Variants in TBC1D5 observed in about 807,000 individuals in gnomAD.
TBC1D5 encodes TBC1 domain family member 5, also known as TBC1 domain family, member 5.
Under a neutral mutation model 100.3 loss-of-function variants are expected in TBC1D5, and 75 were observed. The ratio of observed to expected loss-of-function variants is 0.75; its 90% CI spans 0.62 to 0.91. The LOEUF is 0.91. TBC1D5 is among the 40% of genes least tolerant of loss of function. TBC1D5 has a pLI of 0.00. For synonymous variants in TBC1D5, 323 were observed against 325.6 expected, an observed-to-expected ratio of 0.99 and a Z score of 0.09; for missense variants, 910 against 942.4, an observed-to-expected ratio of 0.97 and a Z score of 0.45.
At chr3:17,203,387 T>C (rs2071730557) in intron 18 of TBC1D5, among the ~76,000 whole-genome samples, 1 of 152,218 alleles carries the variant, frequency 6.6e-6, no homozygotes, top group Non-Finnish European at 1.5e-5. Flanking sequence ...GGACTTGCCT[T>C]GTTTCAGATG....
intron 17 of TBC1D5, among the ~76,000 whole-genome samples, chr3:17,231,011 ACATGTTCAGTAGAGACT>A (rs1449130766): frequency 6.6e-6 from 1 of 152,182 alleles, no homozygotes; most frequent in Non-Finnish European, 1.5e-5. Flanking sequence ...AAATGTCTGT[ACATGTTCAGTAGAGACT>A]CATTTTTTTT....
At chr3:17,388,324 G>A (rs1295797376) in intron 8 of TBC1D5, among the ~76,000 whole-genome samples, 5 of 151,964 alleles carry the variant, frequency 3.3e-5, no homozygotes, top group African/African-American at 1.2e-4. Flanking sequence ...GGCAATATAG[G>A]TTTAATTATA....
At chr3:17,409,433 C>T (rs746537673) in intron 4 of TBC1D5, among the ~76,000 whole-genome samples, 5 of 152,040 alleles carry the variant, frequency 3.3e-5, no homozygotes, top group Non-Finnish European at 5.9e-5. Flanking sequence ...GCTACAATGG[C>T]CTCGTACTGT....
At chr3:17,471,507 G>A (rs1408581654) in intron 3 of TBC1D5, among the ~76,000 whole-genome samples, 1 of 151,908 alleles carries the variant, frequency 6.6e-6, no homozygotes, top group African/African-American at 2.4e-5. Flanking sequence ...ATTTGTAAAA[G>A]ATGTAGGAAA....
chr3:17,633,352 C>T (rs2063647304), intron 1 of TBC1D5, among the ~76,000 whole-genome samples: 1 of 152,032 alleles, frequency 6.6e-6, no homozygotes, highest in Admixed American at 6.6e-5. Flanking sequence ...GGGAGAATTG[C>T]TGGAACCTGG....
In TBC1D5 at chr3:17,161,136, G is replaced by A. The variant is rs781688564; in HGVS notation, c.2215C>T (p.Arg739Cys). 14 of 1,614,096 alleles carry A rather than the reference G, an allele frequency of 8.7e-6. No individual in the cohort carries two copies. In the African/African-American group the frequency reaches 1.1e-4, roughly 12 times the overall value. The stretch of plus-strand genomic sequence containing the variant: ...TTCCCAGAGGTGCTTCTGAGGGTGC[G>A]AAGAGGCTGGGCCTGGCCGGAGAAG... Residue 739 changes from arginine to cysteine, a missense_variant, in exon 22 of 22, where the codon CGC (arginine) becomes TGC (cysteine). Transcript: ENST00000253692.
At chr3:17,395,258 G>A (rs1350535143) in intron 8 of TBC1D5, among the ~76,000 whole-genome samples, 1 of 151,742 alleles carries the variant, frequency 6.6e-6, no homozygotes, top group African/African-American at 2.4e-5. Flanking sequence ...ACTCCTCCAC[G>A]CCTCCAAAAA....
chr3:17,526,262 C>T (rs1282374121), intron 2 of TBC1D5, among the ~76,000 whole-genome samples: 1 of 152,108 alleles, frequency 6.6e-6, no homozygotes, highest in Non-Finnish European at 1.5e-5. Context: ...CTGTTGCATA[C>T]ACTGGAATGC....
intron 2 of TBC1D5, among the ~76,000 whole-genome samples, chr3:17,603,781 G>A (rs1419169240): frequency 6.6e-6 from 1 of 151,970 alleles, no homozygotes; most frequent in African/African-American, 2.4e-5. Flanking sequence ...CCGAGTAGCT[G>A]GGATTACAGG....
intron 16 of TBC1D5, 23 bp downstream of exon 16, chr3:17,258,483 A>T: frequency 6.3e-7 from 1 of 1,597,998 alleles, no homozygotes; most frequent in Non-Finnish European, 8.5e-7. Context: ...ATTTATAACT[A>T]TCATCAGAAA....
rs140595792 is a variant in TBC1D5, at chr3:17,378,835, T to C, written c.613-2222A>G. Reference sequence around the variant, plus strand: ...TTAATTTTTGCCATGAAAATAAGTATGTTTTTCTCCAAAAGAATTACACCA... The same window carrying C: ...TTAATTTTTGCCATGAAAATAAGTACGTTTTTCTCCAAAAGAATTACACCA... On this transcript the variant is annotated intron_variant, in intron 9 of 21. Coordinates refer to ENST00000253692, the Ensembl canonical transcript of TBC1D5. Among the ~76,000 whole-genome samples, 359 of 151,814 alleles carry C rather than the reference T, an allele frequency of 2.4e-3. 10 individuals are homozygous for C. The East Asian group carries it at 0.051, about 21-fold the overall frequency.
At chr3:17,722,362 T>A (rs1271650268) in intron 1 of TBC1D5, among the ~76,000 whole-genome samples, 1 of 152,204 alleles carries the variant, frequency 6.6e-6, no homozygotes, top group Non-Finnish European at 1.5e-5. Context: ...GGGACCCTAG[T>A]ATAAACATAA....
chr3:17,440,193 C>T (rs1323630456), intron 3 of TBC1D5, among the ~76,000 whole-genome samples: 2 of 152,100 alleles, frequency 1.3e-5, no homozygotes, highest in South Asian at 2.1e-4. Context: ...ACTATAATAA[C>T]ATATGAATGA....
chr3:17,166,961 A>C, intron 20 of TBC1D5, 33 bp from the exon 22 acceptor site: 1 of 1,569,956 alleles, frequency 6.4e-7, no homozygotes, highest in Non-Finnish European at 8.6e-7. Context: ...TAAATGAAAA[A>C]AATGGATGAG....
chr3:17,619,972 C>T lies in TBC1D5; in HGVS notation c.-36+3877G>A, dbSNP rs572654997. ...AATGTACCCAAAATTCCATTTCTCA[C>T]CTATCACTTGGCAAAAATGGAAGTT... On this transcript the variant is annotated intron_variant, in intron 2 of 21. Coordinates refer to ENST00000253692, the Ensembl canonical transcript of TBC1D5. Among the ~76,000 whole-genome samples the T allele has an allele frequency of 7.9e-5, 12 of 152,294 alleles. No individual in the cohort carries two copies. In the South Asian group the frequency reaches 2.3e-3, roughly 29 times the overall value.
In TBC1D5 at chr3:17,502,260, G is replaced by A. The variant is rs1370071999; in HGVS notation, c.97+6214C>T. Among the ~76,000 whole-genome samples, 9 of 149,690 alleles carry A rather than the reference G, an allele frequency of 6.0e-5. 1 individual carries two copies. Among genetic ancestry groups the A allele is most frequent in the South Asian group, 2.1e-4 (1 of 4,750 alleles). On this transcript the variant is annotated intron_variant, in intron 3 of 21. Coordinates refer to ENST00000253692, the Ensembl canonical transcript of TBC1D5. ...TATATGAAATATACAGAGTGCTGGC[G>A]TATGGATTCTTCAGATTACAAAAAG...
chr3:17,403,284 C>G, intron 7 of TBC1D5, 36 bp from the exon 8 acceptor site: 1 of 1,415,496 alleles, frequency 7.1e-7, no homozygotes, highest in South Asian at 1.4e-5. Context: ...TATAGTCTCA[C>G]ACCTTTGTTT....
chr3:17,741,714 A>G (rs1289932535), upstream of TBC1D5, among the ~76,000 whole-genome samples: 1 of 151,086 alleles, frequency 6.6e-6, no homozygotes, highest in East Asian at 1.9e-4. Flanking sequence ...ATTCTAGGTC[A>G]CTTGTAGAAT....
chr3:17,374,787 A>G, intron 10 of TBC1D5, 108 bp from the exon 11 acceptor site: 3 of 1,072,136 alleles, frequency 2.8e-6, no homozygotes. Context: ...TGCAAACGAA[A>G]AAAATTAGTC....
Sources: gnomAD v4.1 joint callset for allele counts (sites outside exome capture counted in the v4.1 genomes callset) on GRCh38, gnomAD v4.1.1 for gene constraint, MANE v1.5 for transcripts, NCBI Gene and HGNC (gene_info 2026-07-23, HGNC 2026-07-21) for gene names.